Variants in DAB1 observed in about 807,000 individuals in gnomAD.
DAB1 encodes the protein DAB adaptor protein 1, also known as disabled homolog 1.
DAB1 carries 15 observed loss-of-function variants against 64.6 expected under a neutral mutation model. The observed-to-expected ratio is 0.23, with a 90% confidence interval of 0.16 to 0.36. The LOEUF (loss-of-function observed/expected upper bound fraction) is 0.36. Ranked by LOEUF, DAB1 falls within the 10% of genes least tolerant of loss-of-function variation. The pLI, the probability that DAB1 is intolerant of heterozygous loss-of-function variation, is 1.00. For synonymous variants in DAB1, 235 were observed against 251.9 expected, an observed-to-expected ratio of 0.93 and a Z score of 0.64; for missense variants, 596 against 706.7, an observed-to-expected ratio of 0.84 and a Z score of 1.78.
intron 3 of DAB1, among the ~76,000 whole-genome samples, chr1:57,138,991 C>G (rs1341159068): frequency 2.0e-5 from 3 of 152,140 alleles, no homozygotes; most frequent in Non-Finnish European, 2.9e-5. Flanking sequence ...AAGTGACTTT[C>G]CCTCACTTGA....
chr1:57,042,214 G>C (rs1223726776), intron 9 of DAB1, among the ~76,000 whole-genome samples: 1 of 152,192 alleles, frequency 6.6e-6, no homozygotes, highest in East Asian at 1.9e-4. Flanking sequence ...CTTAAGGTTT[G>C]AAGTCCAGAG....
chr1:58,482,989 A>T (rs917391250), intron 3 of DAB1, among the ~76,000 whole-genome samples: 1 of 152,226 alleles, frequency 6.6e-6, no homozygotes, highest in Non-Finnish European at 1.5e-5. Flanking sequence ...AACACCTAAA[A>T]GCAGTAAGTC....
At chr1:57,601,878 A>G (rs1645579431) in intron 7 of DAB1, among the ~76,000 whole-genome samples, 1 of 152,154 alleles carries the variant, frequency 6.6e-6, no homozygotes, top group African/African-American at 2.4e-5. Flanking sequence ...TAAAAAGAGA[A>G]AAGAAAATGA....
At chr1:58,239,578 G>A (rs1660196534) in intron 4 of DAB1, among the ~76,000 whole-genome samples, 2 of 152,186 alleles carry the variant, frequency 1.3e-5, no homozygotes, top group African/African-American at 4.8e-5. Context: ...GGAGCCCATG[G>A]AGTGCAGAAA....
intron 2 of DAB1, among the ~76,000 whole-genome samples, chr1:57,231,672 G>A (rs555000264): frequency 6.6e-6 from 1 of 152,302 alleles, no homozygotes; most frequent in East Asian, 1.9e-4. Flanking sequence ...GTTACTTAGA[G>A]ATAAATCATC....
Position 57,896,041 on chromosome 1 carries a change from C to T in DAB1, n.388-11879G>A, listed in dbSNP as rs60683386. Among the ~76,000 whole-genome samples, 460 of 152,292 alleles carry T rather than the reference C, an allele frequency of 3.0e-3. 1 individual carries two copies. Among genetic ancestry groups the T allele is most frequent in the African/African-American group, 0.011 (444 of 41,564 alleles). On this transcript the variant is annotated intron_variant and non_coding_transcript_variant, in intron 5 of 20. Coordinates refer to the DAB1 transcript ENST00000485760. Reference sequence around the variant, plus strand: ...AGCAGAAGGGATGAGGCTTGATTCACTTTGGTATTGACAGAGCCAAGGAAA... The same window carrying T: ...AGCAGAAGGGATGAGGCTTGATTCATTTTGGTATTGACAGAGCCAAGGAAA...
At chr1:57,150,510 C>G (rs943448584) in intron 2 of DAB1, among the ~76,000 whole-genome samples, 1 of 152,180 alleles carries the variant, frequency 6.6e-6, no homozygotes, top group African/African-American at 2.4e-5. Flanking sequence ...CAAAAAGTGT[C>G]CTTTCTCCTG....
intron 7 of DAB1, among the ~76,000 whole-genome samples, chr1:57,593,428 C>T (rs1438011006): frequency 6.6e-6 from 1 of 152,148 alleles, no homozygotes; most frequent in Non-Finnish European, 1.5e-5. Context: ...TGGGTTCTTC[C>T]ACCTTTTGGT....
intron 7 of DAB1, among the ~76,000 whole-genome samples, chr1:57,596,507 A>G (rs569487573): frequency 6.6e-6 from 1 of 151,876 alleles, no homozygotes; most frequent in Admixed American, 6.6e-5. Context: ...TTTTTTTTAA[A>G]GAGCCGATTA....
chr1:57,561,158 T>A (rs1430394624), intron 7 of DAB1, among the ~76,000 whole-genome samples: 1 of 152,192 alleles, frequency 6.6e-6, no homozygotes, highest in Non-Finnish European at 1.5e-5. Context: ...CCTGCACCGA[T>A]GAACTCATGG....
At chr1:57,064,632 A>G (rs1470488176) in intron 8 of DAB1, among the ~76,000 whole-genome samples, 4 of 152,182 alleles carry the variant, frequency 2.6e-5, no homozygotes, top group African/African-American at 4.8e-5. Flanking sequence ...GTGAATGGGG[A>G]AGCCAAAAGC....
chr1:57,155,534 G>T (rs568499203), intron 2 of DAB1, among the ~76,000 whole-genome samples: 1 of 150,842 alleles, frequency 6.6e-6, no homozygotes, highest in African/African-American at 2.4e-5. Flanking sequence ...AGTTTTTTGT[G>T]GTTCCATATA....
Position 58,199,632 on chromosome 1 carries a change from T to G in DAB1, n.310-49044A>C, listed in dbSNP as rs539361282. Among the ~76,000 whole-genome samples the G allele has an allele frequency of 4.3e-4, 66 of 152,330 alleles. 2 individuals carry two copies. The highest frequency in any genetic ancestry group is 6.8e-3 in the Middle Eastern group (2 of 294). The stretch of plus-strand genomic sequence containing the variant: ...ATGCTACTACTAGTACAACTAATAG[T>G]ATATTTTTAAATTATATTTAAAAGA... On this transcript the variant is annotated intron_variant and non_coding_transcript_variant, in intron 4 of 20. Coordinates refer to the DAB1 transcript ENST00000485760.
chr1:57,956,981 C>A (rs2100258556), intron 5 of DAB1, among the ~76,000 whole-genome samples: 1 of 152,164 alleles, frequency 6.6e-6, no homozygotes, highest in African/African-American at 2.4e-5. Flanking sequence ...TGCTCATAGG[C>A]CATGTAAATA....
intron 1 of DAB1, among the ~76,000 whole-genome samples, chr1:57,867,795 C>T (rs1654372538): frequency 6.6e-6 from 1 of 152,130 alleles, no homozygotes; most frequent in African/African-American, 2.4e-5. Context: ...AAATCCAGTG[C>T]CCTTTCTGTG....
In DAB1 at chr1:57,076,753, A is replaced by G. The variant is rs528978946; in HGVS notation, c.307-4339T>C. 1.6e-3 allele frequency among the ~76,000 whole-genome samples: 241 copies of G among 152,282 alleles called. 1 individual carries two copies. The highest frequency in any genetic ancestry group is 5.6e-3 in the African/African-American group (233 of 41,560). On this transcript the variant is annotated intron_variant, in intron 4 of 14. Transcript: ENST00000371236. Reference sequence around the variant, plus strand: ...GACATGTTGCCCATCCAAGGAACCTACCTTGATACCCCATTTCCCTGAGTA... The same window carrying G: ...GACATGTTGCCCATCCAAGGAACCTGCCTTGATACCCCATTTCCCTGAGTA...
intron 1 of DAB1, among the ~76,000 whole-genome samples, chr1:57,315,652 G>C (rs973233942): frequency 1.3e-5 from 2 of 152,202 alleles, no homozygotes; most frequent in East Asian, 3.9e-4. Flanking sequence ...ACAAGTGCCT[G>C]CCACCACGCC....
intron 1 of DAB1, among the ~76,000 whole-genome samples, chr1:57,877,545 A>ATTTTTT (rs58070219): frequency 1.4e-4 from 9 of 65,042 alleles, no homozygotes; most frequent in African/African-American, 4.8e-4. Flanking sequence ...TAATTGATTT[A>ATTTTTT]TTTTTTTTTT....
intron 3 of DAB1, among the ~76,000 whole-genome samples, chr1:58,430,241 GTAACT>G (rs1388538142): frequency 6.6e-6 from 1 of 152,184 alleles, no homozygotes; most frequent in Non-Finnish European, 1.5e-5. Context: ...GCAAAATAAG[GTAACT>G]TATGTGAAAA....
Sources: allele counts gnomAD v4.1 joint callset (sites outside exome capture counted in the v4.1 genomes callset), GRCh38; gene constraint gnomAD v4.1.1; transcripts MANE v1.5; gene names NCBI Gene and HGNC (gene_info 2026-07-23, HGNC 2026-07-21).